Variants in NRG3 observed in about 807,000 individuals in gnomAD.
NRG3 encodes pro-neuregulin-3, membrane-bound isoform.
In NRG3, 31 loss-of-function variants were observed where a neutral mutation model predicts 66.9. The observed-to-expected ratio is 0.46, with a 90% CI of 0.35 to 0.63. NRG3 has a LOEUF of 0.63. Ranked by LOEUF, NRG3 falls within the 20% of genes least tolerant of loss-of-function variation. The probability of loss-of-function intolerance (pLI) is 0.00; values close to 1 mark genes in which losing one functional copy is unlikely to be tolerated. For missense variants in NRG3, 910 were observed against 878.9 expected (o/e 1.04, Z -0.45); for synonymous variants, 393 against 359.4 (o/e 1.09, Z -1.06).
chr10:82,009,535 C>A (rs7083860), intron 1 of NRG3, among the ~76,000 whole-genome samples: 147,288 of 152,170 alleles, frequency 0.97, 71,322 homozygotes, highest in East Asian at 1. Flanking sequence ...CCCCTGCCAA[C>A]CTCCTCTCTT....
intron 1 of NRG3, among the ~76,000 whole-genome samples, chr10:82,346,673 C>T (rs914797970): frequency 1.7e-4 from 26 of 150,394 alleles, no homozygotes; most frequent in African/African-American, 3.4e-4. Context: ...TGGTAGAATT[C>T]GGCTGTGAAT....
At chr10:82,223,842 A>G (rs1026245637) in intron 1 of NRG3, among the ~76,000 whole-genome samples, 3 of 152,210 alleles carry the variant, frequency 2.0e-5, no homozygotes, top group African/African-American at 7.2e-5. Context: ...AAAAGGAACC[A>G]GAATTCTGGC....
intron 1 of NRG3, among the ~76,000 whole-genome samples, chr10:82,159,851 T>C (rs2434062): frequency 0.69 from 104,518 of 151,726 alleles, 38,194 homozygotes; most frequent in Non-Finnish European, 0.8. Flanking sequence ...AAGGAAAAGA[T>C]GCATAATTAT....
chr10:81,970,999 G>T (rs999351813), intron 1 of NRG3, among the ~76,000 whole-genome samples: 1 of 152,182 alleles, frequency 6.6e-6, no homozygotes, highest in East Asian at 1.9e-4. Flanking sequence ...AATTAGTTGG[G>T]CATGGTGGTG....
At chr10:82,677,112 C>T (rs183775353) in intron 2 of NRG3, among the ~76,000 whole-genome samples, 44 of 148,280 alleles carry the variant, frequency 3.0e-4, no homozygotes, top group African/African-American at 5.5e-4. Context: ...CAGGCTGGGG[C>T]GCAGTGGCAT....
intron 2 of NRG3, among the ~76,000 whole-genome samples, chr10:82,693,274 G>T (rs1302333609): frequency 6.6e-6 from 1 of 152,034 alleles, no homozygotes; most frequent in Non-Finnish European, 1.5e-5. Context: ...CTTACAGCTA[G>T]AAATTTTGTT....
intron 1 of NRG3, among the ~76,000 whole-genome samples, chr10:81,892,051 A>G (rs1025043980): frequency 6.6e-6 from 1 of 152,146 alleles, no homozygotes; most frequent in African/African-American, 2.4e-5. Context: ...TTGGCATTTA[A>G]TAATATCCAT....
At chr10:82,845,414 T>C (rs12779526) in intron 3 of NRG3, among the ~76,000 whole-genome samples, 1 of 152,064 alleles carries the variant, frequency 6.6e-6, no homozygotes, top group African/African-American at 2.4e-5. Flanking sequence ...TTTACACTTA[T>C]GTCATTATTG....
intron 1 of NRG3, among the ~76,000 whole-genome samples, chr10:82,151,435 AAG>A (rs1211968004): frequency 2.0e-5 from 3 of 152,136 alleles, no homozygotes; most frequent in African/African-American, 7.2e-5. Flanking sequence ...GAGGATGAAA[AAG>A]AATCAGATGG....
At chr10:82,838,794 A>G (rs771841010) in intron 3 of NRG3, among the ~76,000 whole-genome samples, 4 of 151,976 alleles carry the variant, frequency 2.6e-5, no homozygotes, top group Non-Finnish European at 5.9e-5. Context: ...ACTCATCTGT[A>G]TTTGTCCATT....
At chr10:82,287,412 G>A (rs181549380) in intron 1 of NRG3, among the ~76,000 whole-genome samples, 134 of 152,192 alleles carry the variant, frequency 8.8e-4, no homozygotes, top group African/African-American at 3.0e-3. Context: ...CTGCAGAACT[G>A]TGAGCCAATT....
intron 3 of NRG3, among the ~76,000 whole-genome samples, chr10:82,822,005 A>G (rs1482816621): frequency 6.6e-6 from 1 of 152,170 alleles, no homozygotes; most frequent in Non-Finnish European, 1.5e-5. Context: ...TTCCAAAATT[A>G]TAGCAGCAGC....
At chr10:82,065,979 A>C (rs935490022) in intron 1 of NRG3, among the ~76,000 whole-genome samples, 20 of 152,288 alleles carry the variant, frequency 1.3e-4, no homozygotes, top group African/African-American at 4.8e-4. Flanking sequence ...TTCCATTGCT[A>C]TCATCATTTT....
intron 1 of NRG3, among the ~76,000 whole-genome samples, chr10:82,066,955 T>C (rs183812270): frequency 6.6e-6 from 1 of 152,338 alleles, no homozygotes; most frequent in African/African-American, 2.4e-5. Context: ...CATATATAAG[T>C]AACTTGAGTA....
Position 81,875,927 on chromosome 10 carries a change from C to T in NRG3, c.587C>T (p.Thr196Ile), listed in dbSNP as rs1841587738. 3 of 1,613,598 alleles carry T rather than the reference C, an allele frequency of 1.9e-6. No homozygotes were observed. Among genetic ancestry groups the T allele is most frequent in the African/African-American group, 1.3e-5 (1 of 75,076 alleles). The change falls in exon 1 of 9, where the codon ACC becomes ATC. Residue 196 changes from threonine (T) to isoleucine (I), a missense_variant. By Grantham distance (89) the Thr-to-Ile change is moderately conservative. Transcript: ENST00000372141. This position sits in a 1 kb window ranked among gnomAD's most constrained non-coding sequence, Gnocchi z 5.3. Reference sequence around the variant, plus strand: ...GCGGCCCCTGCGACGGTCCCGTCCACCACGGCCCCGTTCTTCAGTAGCAGC... The same window carrying T: ...GCGGCCCCTGCGACGGTCCCGTCCATCACGGCCCCGTTCTTCAGTAGCAGC... Reference protein sequence around the residue: ...NTAAPATVPSTTAPFFSSSTL... With the variant: ...NTAAPATVPSITAPFFSSSTL...
chr10:82,147,631 C>T (rs1319677345), intron 1 of NRG3, among the ~76,000 whole-genome samples: 7 of 152,210 alleles, frequency 4.6e-5, no homozygotes, highest in African/African-American at 1.2e-4. Context: ...AATGTGCCTG[C>T]GTTAGCCAGC....
chr10:82,567,066 C>T (rs2045454350), intron 2 of NRG3, among the ~76,000 whole-genome samples: 1 of 151,954 alleles, frequency 6.6e-6, no homozygotes, highest in Non-Finnish European at 1.5e-5. Context: ...CATCTAAACC[C>T]ACAGGTTCCA....
At chr10:82,558,464 T>C (rs1395519520) in intron 2 of NRG3, among the ~76,000 whole-genome samples, 2 of 152,154 alleles carry the variant, frequency 1.3e-5, no homozygotes, top group Non-Finnish European at 2.9e-5. Context: ...TCACTGCACA[T>C]AACTCAGGCC....
intron 2 of NRG3, among the ~76,000 whole-genome samples, chr10:82,426,870 C>T (rs538157345): frequency 4.1e-4 from 63 of 152,088 alleles, no homozygotes; most frequent in South Asian, 1.7e-3. Flanking sequence ...AGACTGGTCT[C>T]GAACTCCTGG....
Sources: gnomAD v4.1 joint callset for allele counts (sites outside exome capture counted in the v4.1 genomes callset) on GRCh38, gnomAD v4.1.1 for gene constraint, Gnocchi (gnomAD v3.1) non-coding constraint, MANE v1.5 for transcripts, NCBI Gene and HGNC (gene_info 2026-07-23, HGNC 2026-07-21) for gene names.